Variants in KIAA1671 observed in about 807,000 individuals in gnomAD.
KIAA1671 encodes KIAA1671, also known as uncharacterized protein KIAA1671.
A neutral mutation model predicts 131.2 loss-of-function variants in KIAA1671; 52 were observed. That is an observed-to-expected ratio of 0.40 (90% CI 0.32 to 0.50). The LOEUF is 0.50. KIAA1671 is among the 20% of genes least tolerant of loss of function. The pLI is 0.73. For synonymous variants in KIAA1671, 1,003 were observed against 961.6 expected (o/e 1.04, Z -0.80); for missense variants, 2,360 against 2,364.2 (o/e 1.00, Z 0.04).
chr22:25,134,790 C>T (rs558898474), intron 6 of KIAA1671, among the ~76,000 whole-genome samples: 114 of 152,334 alleles, frequency 7.5e-4, no homozygotes, highest in Middle Eastern at 3.4e-3. Flanking sequence ...AGACCCACCA[C>T]TTGCCAGCTC....
intron 1 of KIAA1671, among the ~76,000 whole-genome samples, chr22:24,987,184 T>C (rs1923597188): frequency 6.6e-6 from 1 of 151,272 alleles, no homozygotes. Flanking sequence ...TTTTTTTTTT[T>C]TTCTGAGACA....
chr22:24,969,716 G>A (rs1922499861), intron 1 of KIAA1671, among the ~76,000 whole-genome samples: 1 of 152,130 alleles, frequency 6.6e-6, no homozygotes, highest in South Asian at 2.1e-4. Flanking sequence ...GTGTCTTGGG[G>A]CACATGTAGA....
At chr22:25,065,671 C>T (rs1359537768) in intron 6 of KIAA1671, among the ~76,000 whole-genome samples, 2 of 150,744 alleles carry the variant, frequency 1.3e-5, no homozygotes, top group Non-Finnish European at 2.9e-5. Context: ...GAGACAGTCT[C>T]GCTCGTCGCC....
At chr22:25,042,809 C>G (rs1045057853) in intron 5 of KIAA1671, among the ~76,000 whole-genome samples, 1 of 151,916 alleles carries the variant, frequency 6.6e-6, no homozygotes, top group African/African-American at 2.4e-5. Flanking sequence ...CCAGGAAGAA[C>G]CAGTAGGGGA....
intron 1 of KIAA1671, among the ~76,000 whole-genome samples, chr22:24,992,048 C>A (rs150625142): frequency 1.3e-5 from 2 of 152,136 alleles, no homozygotes; most frequent in Non-Finnish European, 2.9e-5. Context: ...ATTTACAGAG[C>A]GGGCAGGACA....
intron 6 of KIAA1671, chr22:25,050,848 A>G (rs1569216713): frequency 6.6e-6 from 1 of 152,194 alleles, no homozygotes; most frequent in Admixed American, 6.5e-5. Flanking sequence ...TTTCTCAGCT[A>G]TTTCTCCAGT....
rs577109954 is a variant in KIAA1671 at position 25,144,717 on chromosome 22, A to G, written c.4531-26103A>G. On this transcript the variant is annotated intron_variant, in intron 6 of 12. Coordinates refer to ENST00000358431, the MANE Select transcript of KIAA1671 (RefSeq NM_001145206.2). ...GTGTAGGTGAAGAAACTGAGGCCCAATGAGACAAAGGGACTTGCCCAGGGC... is the reference window on the plus strand; with the variant it reads ...GTGTAGGTGAAGAAACTGAGGCCCAGTGAGACAAAGGGACTTGCCCAGGGC... Among the ~76,000 whole-genome samples, 82 of 152,288 alleles carry G rather than the reference A, an allele frequency of 5.4e-4. 1 individual carries two copies. The East Asian group carries it at 0.014, about 26-fold the overall frequency.
At chr22:25,068,265 C>T (rs1347706325) in intron 6 of KIAA1671, among the ~76,000 whole-genome samples, 1 of 149,290 alleles carries the variant, frequency 6.7e-6, no homozygotes, top group Non-Finnish European at 1.5e-5. Flanking sequence ...GCTCTGCCAT[C>T]GCTGGGGCCA....
At chr22:25,140,554 G>A (rs1932792665) in intron 6 of KIAA1671, among the ~76,000 whole-genome samples, 1 of 152,120 alleles carries the variant, frequency 6.6e-6, no homozygotes, top group Non-Finnish European at 1.5e-5. Context: ...ACATTCTGTT[G>A]GATGAAAGTA....
chr22:25,052,559 T>G (rs1343408464), intron 6 of KIAA1671: 1 of 152,172 alleles, frequency 6.6e-6, no homozygotes, highest in African/African-American at 2.4e-5. Flanking sequence ...TCTTCCAAGT[T>G]CTGGGTCTGC....
chr22:25,122,984 A>C (rs944718837), intron 6 of KIAA1671, among the ~76,000 whole-genome samples: 2 of 152,030 alleles, frequency 1.3e-5, no homozygotes, highest in Non-Finnish European at 2.9e-5. Flanking sequence ...CACAAAAAAA[A>C]CAAAAACAGT....
chr22:25,143,467 A>C (rs1375139801), intron 6 of KIAA1671, among the ~76,000 whole-genome samples: 5 of 152,200 alleles, frequency 3.3e-5, no homozygotes, highest in Non-Finnish European at 5.9e-5. Flanking sequence ...TAAAATAAAA[A>C]CATTGCTGTG....
intron 6 of KIAA1671, among the ~76,000 whole-genome samples, chr22:25,068,688 G>A (rs1928634762): frequency 3.3e-5 from 5 of 152,112 alleles, no homozygotes. Context: ...TGCCCACCTT[G>A]GCCTCCCAAA....
chr22:25,105,297 C>T (rs2076122), intron 6 of KIAA1671, among the ~76,000 whole-genome samples: 55,718 of 151,986 alleles, frequency 0.37, 10,513 homozygotes, highest in Middle Eastern at 0.44. Context: ...GTTGGGATTA[C>T]GGGCATAAGC....
At chr22:25,137,468 T>C (rs1364484037) in intron 6 of KIAA1671, among the ~76,000 whole-genome samples, 4 of 152,266 alleles carry the variant, frequency 2.6e-5, no homozygotes, top group Non-Finnish European at 5.9e-5. Flanking sequence ...GACTGTCCTT[T>C]GTTTCCCTCA....
At chr22:24,994,093 A>G (rs1015664409) in intron 1 of KIAA1671, among the ~76,000 whole-genome samples, 1 of 152,022 alleles carries the variant, frequency 6.6e-6, no homozygotes, top group African/African-American at 2.4e-5. Flanking sequence ...AGAAGAGAAA[A>G]AAAAAAATTC....
chr22:25,156,757 C>T (rs565810956), intron 6 of KIAA1671, among the ~76,000 whole-genome samples: 1 of 152,068 alleles, frequency 6.6e-6, no homozygotes, highest in Non-Finnish European at 1.5e-5. Flanking sequence ...CTTCCAGTAG[C>T]AGGGATGGTC....
intron 5 of KIAA1671, among the ~76,000 whole-genome samples, chr22:25,044,818 A>C (rs1158226995): frequency 6.6e-6 from 1 of 152,160 alleles, no homozygotes; most frequent in African/African-American, 2.4e-5. Flanking sequence ...ATATATATGC[A>C]TAATTGTCAT....
At chr22:25,079,352 C>T (rs1249289488) in intron 6 of KIAA1671, among the ~76,000 whole-genome samples, 4 of 152,106 alleles carry the variant, frequency 2.6e-5, no homozygotes, top group African/African-American at 9.7e-5. Context: ...GCCTCCGCCT[C>T]CTGAGGACCT....
Sources: allele counts gnomAD v4.1 joint callset (sites outside exome capture counted in the v4.1 genomes callset), GRCh38; gene constraint gnomAD v4.1.1; transcripts MANE v1.5; gene names NCBI Gene and HGNC (gene_info 2026-07-23, HGNC 2026-07-21).